The following HIKESHI variants were observed in gnomAD, a reference collection of about 807,000 sequenced individuals.
HIKESHI encodes the protein protein Hikeshi.
A neutral mutation model predicts 25.7 loss-of-function variants in HIKESHI; 13 were observed. The observed-to-expected ratio is 0.51, with a 90% CI of 0.33 to 0.80. HIKESHI has a LOEUF of 0.80. Ranked by LOEUF, HIKESHI falls within the 30% of genes least tolerant of loss-of-function variation. The probability of loss-of-function intolerance (pLI) is 0.02; values close to 1 mark genes in which losing one functional copy is unlikely to be tolerated. For synonymous variants in HIKESHI, 76 were observed against 78.7 expected, an observed-to-expected ratio of 0.97 and a Z score of 0.18; for missense variants, 174 against 229.5, an observed-to-expected ratio of 0.76 and a Z score of 1.56.
chr11:86,305,773 T>G (rs548757686), intron 1 of HIKESHI, among the ~76,000 whole-genome samples: 83 of 151,348 alleles, frequency 5.5e-4, no homozygotes, highest in African/African-American at 2.0e-3. Flanking sequence ...ACAGTTTTGC[T>G]CTTGTTGCCC....
intron 2 of HIKESHI, among the ~76,000 whole-genome samples, chr11:86,321,601 C>T (rs1376416519): frequency 6.6e-6 from 1 of 151,970 alleles, no homozygotes; most frequent in East Asian, 1.9e-4. Context: ...ATGATCTCGA[C>T]TCACTGCAAC....
intron 2 of HIKESHI, among the ~76,000 whole-genome samples, chr11:86,307,968 T>TAC (rs1946703654): frequency 1.8e-5 from 1 of 55,270 alleles, no homozygotes; most frequent in Admixed American, 2.7e-4. Context: ...TTATATAAAA[T>TAC]ATATATGTGT....
At chr11:86,316,314 C>A (rs1284900302) in intron 2 of HIKESHI, among the ~76,000 whole-genome samples, 3 of 150,740 alleles carry the variant, frequency 2.0e-5, no homozygotes, top group Non-Finnish European at 4.4e-5. Context: ...AAGTTCAAGA[C>A]CAGCCTGGCC....
At chr11:86,323,539 G>T (rs1366706788) in intron 2 of HIKESHI, among the ~76,000 whole-genome samples, 1 of 152,128 alleles carries the variant, frequency 6.6e-6, no homozygotes, top group Non-Finnish European at 1.5e-5. Context: ...CAATCAAATT[G>T]TCAATTTAAT....
rs746973408 is a variant in HIKESHI, at chr11:86,345,652, A to G, written c.*14A>G. On this transcript the variant is annotated 3_prime_UTR_variant, in exon 5 of 5. Coordinates refer to ENST00000278483, the MANE Select transcript of HIKESHI (RefSeq NM_016401.4). ...TGGAAAACATAATTTGAATAAAATAATTTTTAATGGATTCTGAAATTTGTC... is the reference window on the plus strand; with the variant it reads ...TGGAAAACATAATTTGAATAAAATAGTTTTTAATGGATTCTGAAATTTGTC... 1.9e-5 allele frequency: 28 copies of G among 1,470,838 alleles called. No homozygotes were observed. Among genetic ancestry groups the G allele is most frequent in the Non-Finnish European group, 2.5e-5 (27 of 1,069,184 alleles). The allele number at this position is 1,470,838 out of a possible 1,614,324, so 91.1% of individuals were successfully genotyped here.
Position 86,331,380 on chromosome 11 carries a change from T to G in HIKESHI, c.269-5999T>G, listed in dbSNP as rs145762453. Among the ~76,000 whole-genome samples the G allele has an allele frequency of 1.6e-4, 24 of 152,208 alleles. 1 individual carries two copies. In the East Asian group the frequency reaches 4.6e-3, roughly 29 times the overall value. On this transcript the variant is annotated intron_variant, in intron 2 of 4. Transcript: ENST00000278483. The stretch of plus-strand genomic sequence containing the variant: ...GGCACACACCTGTAATTTCAGCTAC[T>G]CAGGAATATGAGGCAGGAGTATCAC...
In HIKESHI at chr11:86,337,375, G is replaced by T; in HGVS notation, c.269-4G>T. On this transcript the variant is annotated splice_region_variant and splice_polypyrimidine_tract_variant and intron_variant, in intron 2 of 4. Transcript: ENST00000278483. Reference sequence around the variant, plus strand: ...AATGTGTGTCATATGTTAATTTCTTGCAGGAGAAGGAAGCCAACATCCTTT... The same window carrying T: ...AATGTGTGTCATATGTTAATTTCTTTCAGGAGAAGGAAGCCAACATCCTTT... 3.1e-6 allele frequency: 5 copies of T among 1,610,010 alleles called. No homozygotes were observed. The highest frequency in any genetic ancestry group is 3.4e-6 in the Non-Finnish European group (4 of 1,178,730).
At chr11:86,308,068 G>A (rs1210493124) in intron 2 of HIKESHI, among the ~76,000 whole-genome samples, 1 of 122,756 alleles carries the variant, frequency 8.1e-6, no homozygotes, top group Admixed American at 9.4e-5. Context: ...TATATAATAT[G>A]TATATTACGT....
chr11:86,339,897 C>T (rs1479981703), intron 3 of HIKESHI, among the ~76,000 whole-genome samples: 1 of 150,760 alleles, frequency 6.6e-6, no homozygotes, highest in Non-Finnish European at 1.5e-5. Context: ...CTTCCCCCTG[C>T]CCCCCACCCC....
intron 1 of HIKESHI, chr11:86,303,495 A>G: frequency 5.0e-6 from 3 of 595,736 alleles, no homozygotes; most frequent in Non-Finnish European, 4.2e-6. Flanking sequence ...AATAGGGAAA[A>G]AGGACAAACC....
intron 2 of HIKESHI, among the ~76,000 whole-genome samples, chr11:86,333,844 T>A (rs1947480402): frequency 6.6e-6 from 1 of 152,168 alleles, no homozygotes; most frequent in African/African-American, 2.4e-5. Context: ...AATGAAAATA[T>A]TTTGCAAAAT....
intron 3 of HIKESHI, among the ~76,000 whole-genome samples, chr11:86,339,328 G>A (rs1947658475): frequency 6.6e-6 from 1 of 152,114 alleles, no homozygotes. Flanking sequence ...GATTTCAGGC[G>A]TGAGCCACCG....
chr11:86,334,525 T>C lies in HIKESHI; in HGVS notation c.269-2854T>C, dbSNP rs183101317. The stretch of plus-strand genomic sequence containing the variant: ...TTTTATATTAAGACTAGGTCATATA[T>C]TTTGCTTGCTCTTCTTTGTATTATG... On this transcript the variant is annotated intron_variant, in intron 2 of 4. Coordinates refer to ENST00000278483, the MANE Select transcript of HIKESHI (RefSeq NM_016401.4). Among the ~76,000 whole-genome samples the C allele has an allele frequency of 3.3e-4, 50 of 152,336 alleles. 1 individual carries two copies. The East Asian group carries it at 8.1e-3, about 25-fold the overall frequency.
chr11:86,307,339 T>TCA lies in HIKESHI; in HGVS notation c.268+857_268+858insCA, dbSNP rs1398604312. Among the ~76,000 whole-genome samples, 218 of 93,460 alleles carry TCA rather than the reference T, an allele frequency of 2.3e-3. 38 individuals carry two copies. Among genetic ancestry groups the TCA allele is most frequent in the East Asian group, 3.0e-3 (7 of 2,316 alleles). The allele number at this position is 93,460 out of a possible 152,430, so 61.3% of individuals were successfully genotyped here. A position where few individuals can be genotyped will look rare whatever the true frequency, so the allele number is the denominator to read the frequency against. On this transcript the variant is annotated intron_variant, in intron 2 of 4. Transcript: ENST00000278483. ...AAACATATATTATGTGTAATATACA[T>TCA]TATATATCAAATATATATTATGTGT... is the stretch of plus-strand genomic sequence containing the variant.
chr11:86,312,124 TC>T (rs1275314769), intron 2 of HIKESHI, among the ~76,000 whole-genome samples: 2 of 152,194 alleles, frequency 1.3e-5, no homozygotes, highest in African/African-American at 4.8e-5. Flanking sequence ...TTGTTAACTT[TC>T]TGTCTCGTTG....
At chr11:86,319,403 A>G (rs1208802595) in intron 2 of HIKESHI, among the ~76,000 whole-genome samples, 1 of 148,760 alleles carries the variant, frequency 6.7e-6, no homozygotes, top group African/African-American at 2.5e-5. Context: ...ACACCTGGCT[A>G]ATTTGTGTTT....
intron 1 of HIKESHI, chr11:86,303,419 A>C (rs1312896358): frequency 2.0e-6 from 2 of 984,086 alleles, no homozygotes; most frequent in Non-Finnish European, 2.4e-6. Context: ...CTCTTGAATG[A>C]CTGGGAGACC....
At chr11:86,308,141 A>G (rs1387434170) in intron 2 of HIKESHI, among the ~76,000 whole-genome samples, 2 of 132,568 alleles carry the variant, frequency 1.5e-5, no homozygotes, top group Non-Finnish European at 3.1e-5. Flanking sequence ...TACATGTAAA[A>G]TATATATTGT....
In HIKESHI at chr11:86,324,534, T is replaced by C. The variant is rs2138362167; in HGVS notation, c.269-12845T>C. Among the ~76,000 whole-genome samples the C allele has an allele frequency of 2.0e-5, 3 of 152,342 alleles. No individual in the cohort carries two copies. The South Asian group carries it at 6.2e-4, about 32-fold the overall frequency. ...TAAAATGTTTTGGGTGGTTCTTTACTAGTTGTTTGGAAAACTTTTTGAATG... is the reference window on the plus strand; with the variant it reads ...TAAAATGTTTTGGGTGGTTCTTTACCAGTTGTTTGGAAAACTTTTTGAATG... On this transcript the variant is annotated intron_variant, in intron 2 of 4. Coordinates refer to ENST00000278483, the MANE Select transcript of HIKESHI (RefSeq NM_016401.4).
Sources: allele counts gnomAD v4.1 joint callset (sites outside exome capture counted in the v4.1 genomes callset), GRCh38; gene constraint gnomAD v4.1.1; transcripts MANE v1.5; gene names NCBI Gene and HGNC (gene_info 2026-07-23, HGNC 2026-07-21).